Variants in EPM2A observed in about 807,000 individuals in gnomAD.
The protein encoded by EPM2A is laforin.
Under a neutral mutation model 26.5 loss-of-function variants are expected in EPM2A, and 21 were observed. That is an observed-to-expected ratio of 0.79 (90% CI 0.56 to 1.14). The LOEUF (loss-of-function observed/expected upper bound fraction) is 1.14, where lower values mean the gene tolerates loss of function less well. Ranked by LOEUF, EPM2A falls within the 50% of genes most tolerant of loss-of-function variation. The probability of loss-of-function intolerance (pLI) is 0.00; values close to 1 mark genes in which losing one functional copy is unlikely to be tolerated. For synonymous variants in EPM2A, 217 were observed against 177.6 expected, an observed-to-expected ratio of 1.22 and a Z score of -1.76; for missense variants, 458 against 440.8, an observed-to-expected ratio of 1.04 and a Z score of -0.35.
intron 1 of EPM2A, 76 bp from the exon 2 acceptor site, chr6:145,686,372 AAATT>A (rs772460414): frequency 2.6e-6 from 3 of 1,155,650 alleles, no homozygotes; most frequent in Non-Finnish European, 2.6e-6. Context: ...AGCTGATACA[AAATT>A]AATAGCAAGA....
intron 4 of EPM2A, among the ~76,000 whole-genome samples, chr6:145,464,434 C>G (rs761460908): frequency 4.1e-4 from 63 of 152,088 alleles, no homozygotes; most frequent in Non-Finnish European, 7.5e-4. Context: ...TTATTCAGCA[C>G]TTGTTTTACA....
intron 4 of EPM2A, among the ~76,000 whole-genome samples, chr6:145,453,949 T>C (rs1206855050): frequency 6.6e-6 from 1 of 152,226 alleles, no homozygotes; most frequent in Non-Finnish European, 1.5e-5. Flanking sequence ...GTCTAACGCA[T>C]ATATTTAAAA....
chr6:145,427,519 C>A (rs1432018748), intron 4 of EPM2A, among the ~76,000 whole-genome samples: 1 of 152,038 alleles, frequency 6.6e-6, no homozygotes, highest in Admixed American at 6.6e-5. Flanking sequence ...TGTCACAGTG[C>A]GTCTCCTAGA....
chr6:145,636,738 A>G (rs1296294091), intron 2 of EPM2A: 3 of 151,994 alleles, frequency 2.0e-5, no homozygotes, highest in African/African-American at 7.3e-5. Flanking sequence ...CCCAGCCAAC[A>G]TGGCAGAAAC....
At chr6:145,644,246 A>C (rs922547112) in intron 2 of EPM2A, among the ~76,000 whole-genome samples, 2 of 152,150 alleles carry the variant, frequency 1.3e-5, no homozygotes, top group African/African-American at 2.4e-5. Context: ...TTATTGTAAA[A>C]AATTCTACTA....
At chr6:145,591,445 T>C (rs892876969) in intron 2 of EPM2A, among the ~76,000 whole-genome samples, 1 of 151,826 alleles carries the variant, frequency 6.6e-6, no homozygotes, top group Non-Finnish European at 1.5e-5. Context: ...GAGAAATTAC[T>C]AAAATAAGCC....
rs1352900495 is a variant in EPM2A, at chr6:145,627,569, G to C, written c.843C>G (p.Leu281=). 6.2e-7 allele frequency: 1 copy of C among 1,614,244 alleles called. No individual in the cohort carries two copies. The highest frequency in any genetic ancestry group is 2.2e-5 in the East Asian group (1 of 44,882). Residue 281 remains leucine, a synonymous_variant, in exon 4 of 4, where the codon CTC becomes CTG. Coordinates refer to ENST00000367519, the MANE Select transcript of EPM2A (RefSeq NM_005670.4). ...TCAGATTCCAGCCCATCACATACTGGAGCCAGCCGCAGACAGCCGCGGTGG... is the reference window on the plus strand; with the variant it reads ...TCAGATTCCAGCCCATCACATACTGCAGCCAGCCGCAGACAGCCGCGGTGG... ...GRSTAAVCGW[L]QYVMGWNLRK...
chr6:145,572,043 C>A (rs546322340), intron 2 of EPM2A, among the ~76,000 whole-genome samples: 1 of 152,314 alleles, frequency 6.6e-6, no homozygotes, highest in Admixed American at 6.5e-5. Flanking sequence ...CCAGCCAAAC[C>A]ATTGGCTACA....
chr6:145,577,668 C>T lies in EPM2A; in HGVS notation c.340+57577G>A, dbSNP rs1271505900. Among the ~76,000 whole-genome samples the T allele has an allele frequency of 2.0e-5, 3 of 151,644 alleles. No individual in the cohort carries two copies. The East Asian group carries it at 5.8e-4, about 29-fold the overall frequency. On this transcript the variant is annotated intron_variant, in intron 2 of 3. Transcript: ENST00000450221. ...ATAGACAGAAATTCAACAAAGAAAC[C>T]TCAGGCTTCATCTGTACTTAGGCCA...
chr6:145,532,321 T>G (rs1398420172), intron 2 of EPM2A, among the ~76,000 whole-genome samples: 1 of 152,074 alleles, frequency 6.6e-6, no homozygotes, highest in Non-Finnish European at 1.5e-5. Flanking sequence ...GGCTGGAAGG[T>G]TTTTGCAAAA....
At chr6:145,481,222 GAGA>G (rs1353948019) in intron 4 of EPM2A, among the ~76,000 whole-genome samples, 2 of 152,082 alleles carry the variant, frequency 1.3e-5, no homozygotes, top group African/African-American at 4.8e-5. Flanking sequence ...TTGGATAGTG[GAGA>G]AGGATGCCCT....
At chr6:145,731,553 C>T (rs1053594856) in intron 1 of EPM2A, among the ~76,000 whole-genome samples, 1 of 152,102 alleles carries the variant, frequency 6.6e-6, no homozygotes, top group Non-Finnish European at 1.5e-5. Flanking sequence ...CATGTTCTCA[C>T]TCATAAGTGG....
chr6:145,456,049 C>T (rs1779258534), intron 4 of EPM2A, among the ~76,000 whole-genome samples: 1 of 152,128 alleles, frequency 6.6e-6, no homozygotes, highest in South Asian at 2.1e-4. Context: ...TTAATTAAAA[C>T]CCTCTGTTGT....
rs1365707838 is a variant in EPM2A, at chr6:145,628,531, G to C, written c.719-838C>G. The C allele has an allele frequency of 2.0e-5, 3 of 152,168 alleles. No homozygotes were observed. The East Asian group carries it at 5.8e-4, about 29-fold the overall frequency. The allele number at this position is 152,168 out of a possible 1,614,324, so 9.4% of individuals were successfully genotyped here. ...CCTGCTCACAGGTTCTCAGTACAGAGATATTTTGTAAGTTGGGTTTTTTGT... is the reference window on the plus strand; with the variant it reads ...CCTGCTCACAGGTTCTCAGTACAGACATATTTTGTAAGTTGGGTTTTTTGT... On this transcript the variant is annotated intron_variant, in intron 3 of 3. Transcript: ENST00000367519.
intron 4 of EPM2A, among the ~76,000 whole-genome samples, chr6:145,445,201 C>G (rs1269149708): frequency 6.6e-6 from 1 of 152,092 alleles, no homozygotes; most frequent in African/African-American, 2.4e-5. Flanking sequence ...AGTATGTACA[C>G]AGCCCTAGGC....
chr6:145,598,206 C>A (rs1781373567), intron 2 of EPM2A, among the ~76,000 whole-genome samples: 1 of 152,062 alleles, frequency 6.6e-6, no homozygotes, highest in African/African-American at 2.4e-5. Flanking sequence ...TATAAGTGTT[C>A]CCTTTTCTCT....
intron 1 of EPM2A, among the ~76,000 whole-genome samples, chr6:145,717,361 A>C (rs988202082): frequency 2.1e-4 from 32 of 152,222 alleles, no homozygotes; most frequent in Non-Finnish European, 4.4e-4. Flanking sequence ...AACCAAAGAC[A>C]AAAACCACAT....
At chr6:145,682,532 A>G (rs1780620330) in intron 2 of EPM2A, 1 of 152,140 alleles carries the variant, frequency 6.6e-6, no homozygotes, top group African/African-American at 2.4e-5. Context: ...CACTACATAT[A>G]TAACTTCATT....
intron 2 of EPM2A, chr6:145,636,903 G>A (rs1351514697): frequency 3.4e-5 from 5 of 146,946 alleles, no homozygotes; most frequent in African/African-American, 5.0e-5. Flanking sequence ...CAGCCTGGGC[G>A]ATGGGGCAAG....
Sources: gnomAD v4.1 joint callset for allele counts (sites outside exome capture counted in the v4.1 genomes callset) on GRCh38, gnomAD v4.1.1 for gene constraint, MANE v1.5 for transcripts, NCBI Gene and HGNC (gene_info 2026-07-23, HGNC 2026-07-21) for gene names.